Variants in LIPI observed in about 807,000 individuals in gnomAD.
The protein encoded by LIPI is lipase I.
A neutral mutation model predicts 50.6 loss-of-function variants in LIPI; 59 were observed. The observed-to-expected ratio is 1.16, with a 90% CI of 0.94 to 1.45. LIPI has a LOEUF of 1.45. Among genes scored for constraint, LIPI ranks in the 40% most tolerant of loss-of-function variants. The pLI is 0.00. For synonymous variants in LIPI, 203 were observed against 178.2 expected, an observed-to-expected ratio of 1.14 and a Z score of -1.11; for missense variants, 586 against 536.3, an observed-to-expected ratio of 1.09 and a Z score of -0.92.
rs578085312 is a variant in LIPI, at chr21:14,183,386, A to G, written c.542-1527T>C. Reference sequence around the variant, plus strand: ...CGATAAAAACCCTAGAAGAAAACTTAGGCAATACCATTCAGGACATAGGCA... The same window carrying G: ...CGATAAAAACCCTAGAAGAAAACTTGGGCAATACCATTCAGGACATAGGCA... On this transcript the variant is annotated intron_variant, in intron 3 of 9. Coordinates refer to ENST00000681601, the MANE Select transcript of LIPI (RefSeq NM_001302998.2). 2.0e-5 allele frequency among the ~76,000 whole-genome samples: 3 copies of G among 152,328 alleles called. No homozygotes were observed. In the East Asian group the frequency reaches 5.8e-4, roughly 29 times the overall value.
At position 14,157,821 on chromosome 21, in the gene LIPI, A is replaced by G. The variant is rs1292372946; in HGVS notation, c.1007-5137T>C. Reference sequence around the variant, plus strand: ...TTGCCTGGCTGAATTTAAAAATTGCATGGAGTGTTGACTCTATTTTTCTTC... The same window carrying G: ...TTGCCTGGCTGAATTTAAAAATTGCGTGGAGTGTTGACTCTATTTTTCTTC... On this transcript the variant is annotated intron_variant, in intron 7 of 9. Transcript: ENST00000681601. Among the ~76,000 whole-genome samples the G allele has an allele frequency of 2.0e-5, 3 of 151,822 alleles. No homozygotes were observed. In the East Asian group the frequency reaches 5.8e-4, roughly 29 times the overall value.
chr21:14,108,836 T>C lies in LIPI; in HGVS notation c.*157A>G, dbSNP rs1136522. The C allele has an allele frequency of 0.49, 398,814 of 820,996 alleles. 97,770 individuals carry two copies. Among genetic ancestry groups the C allele is most frequent in the South Asian group, 0.51 (30,072 of 58,616 alleles). The allele number at this position is 820,996 out of a possible 1,614,324, so 50.9% of individuals were successfully genotyped here. On this transcript the variant is annotated 3_prime_UTR_variant, in exon 10 of 10. Coordinates refer to ENST00000681601, the MANE Select transcript of LIPI (RefSeq NM_001302998.2). ...TATTTGGAATGTTTAACTGTATGCA[T>C]TTTTTATTTTCTTTATTTTTGATTC...
intron 1 of LIPI, among the ~76,000 whole-genome samples, chr21:14,190,975 C>A (rs1234430355): frequency 2.6e-5 from 4 of 152,104 alleles, no homozygotes; most frequent in Admixed American, 6.5e-5. Flanking sequence ...AGAAAGAAAT[C>A]ATCACCTAAT....
intron 1 of LIPI, among the ~76,000 whole-genome samples, chr21:14,191,376 CAAAA>C (rs71183411): frequency 2.3e-5 from 2 of 86,290 alleles, no homozygotes; most frequent in Non-Finnish European, 4.5e-5. Context: ...GACTCCGTCT[CAAAA>C]AAAAAAAAAA....
chr21:14,155,927 T>C (rs1360091324), intron 7 of LIPI, among the ~76,000 whole-genome samples: 1 of 152,024 alleles, frequency 6.6e-6, no homozygotes, highest in Non-Finnish European at 1.5e-5. Context: ...CAATAGGTTA[T>C]CTTTTTCTCA....
At chr21:14,149,837 C>T (rs1275655890) in intron 8 of LIPI, among the ~76,000 whole-genome samples, 2 of 152,236 alleles carry the variant, frequency 1.3e-5, no homozygotes, top group Admixed American at 1.3e-4. Flanking sequence ...CAGCTCCACC[C>T]CTGCGGCTTT....
chr21:14,189,680 G>A lies in LIPI; in HGVS notation c.47-261C>T, dbSNP rs116201104. On this transcript the variant is annotated intron_variant, in intron 1 of 9. Coordinates refer to ENST00000681601, the MANE Select transcript of LIPI (RefSeq NM_001302998.2). ...ATTTTTATCTGTACAAAATATAATA[G>A]TAATGGGTGTGAGCGAAAATAAGAT... 9.5e-3 allele frequency among the ~76,000 whole-genome samples: 1,441 copies of A among 152,186 alleles called. 26 individuals are homozygous for A. The highest frequency in any genetic ancestry group is 0.033 in the African/African-American group (1,384 of 41,554).
chr21:14,120,484 T>C (rs1370822995), intron 9 of LIPI, among the ~76,000 whole-genome samples: 1 of 152,164 alleles, frequency 6.6e-6, no homozygotes, highest in Non-Finnish European at 1.5e-5. Context: ...ATAGGGCAGG[T>C]CCTAGAGGCT....
At chr21:14,117,134 C>T (rs1179361377) in intron 9 of LIPI, among the ~76,000 whole-genome samples, 1 of 152,192 alleles carries the variant, frequency 6.6e-6, no homozygotes, top group African/African-American at 2.4e-5. Flanking sequence ...AGATGCCCCT[C>T]AGAGAAACTA....
intron 9 of LIPI, among the ~76,000 whole-genome samples, chr21:14,124,919 C>T (rs573829904): frequency 3.0e-4 from 46 of 152,104 alleles, no homozygotes; most frequent in Admixed American, 9.2e-4. Context: ...TGCTTGAACC[C>T]GGGAGGTGGA....
intron 1 of LIPI, among the ~76,000 whole-genome samples, chr21:14,202,462 A>G (rs985532780): frequency 2.6e-5 from 4 of 152,336 alleles, no homozygotes; most frequent in Non-Finnish European, 5.9e-5. Flanking sequence ...CCAAAACAGC[A>G]TGGTACTGGT....
chr21:14,165,244 C>T lies in LIPI; in HGVS notation c.880G>A (p.Glu294Lys). 6.2e-7 allele frequency: 1 copy of T among 1,611,516 alleles called. No homozygotes were observed. Among genetic ancestry groups the T allele is most frequent in the Non-Finnish European group, 8.5e-7 (1 of 1,178,016 alleles). The change falls in exon 6 of 10, where the codon GAA (glutamate) becomes AAA (lysine). Residue 294 changes from glutamate (E) to lysine (K), a missense_variant. Glu to Lys is a moderately conservative substitution (Grantham distance 56). Coordinates refer to ENST00000681601, the MANE Select transcript of LIPI (RefSeq NM_001302998.2). Reference sequence around the variant, plus strand: ...TTACCCAGCCGAGGACATGATTTTTCCTTAAAACAGTCACAGTCCACACAT... The same window carrying T: ...TTACCCAGCCGAGGACATGATTTTTTCTTAAAACAGTCACAGTCCACACAT... ...SLCVDCDCFK[E>K]KSCPRLGYQA...
chr21:14,148,668 G>T (rs2017988214), intron 8 of LIPI, among the ~76,000 whole-genome samples: 2 of 152,162 alleles, frequency 1.3e-5, no homozygotes, highest in Non-Finnish European at 2.9e-5. Flanking sequence ...TACGTGTGTA[G>T]CAGGCTATAC....
intron 4 of LIPI, among the ~76,000 whole-genome samples, chr21:14,174,348 C>A (rs2019018872): frequency 6.6e-6 from 1 of 151,964 alleles, no homozygotes. Flanking sequence ...ATATAAGACA[C>A]ATGCAGAAAA....
intron 8 of LIPI, among the ~76,000 whole-genome samples, chr21:14,149,523 A>G (rs546768536): frequency 1.5e-4 from 23 of 152,236 alleles, no homozygotes; most frequent in African/African-American, 5.5e-4. Context: ...ACTCATTCCA[A>G]TATTCACCCA....
intron 1 of LIPI, among the ~76,000 whole-genome samples, chr21:14,205,061 T>G (rs1008835843): frequency 6.6e-6 from 1 of 151,724 alleles, no homozygotes; most frequent in African/African-American, 2.4e-5. Flanking sequence ...ATACTATAGT[T>G]GAACACCAGG....
chr21:14,149,468 T>A (rs2018012965), intron 8 of LIPI, among the ~76,000 whole-genome samples: 1 of 152,162 alleles, frequency 6.6e-6, no homozygotes, highest in African/African-American at 2.4e-5. Flanking sequence ...TGTTCTCACA[T>A]TTCAAAACAC....
chr21:14,117,191 A>G (rs899056580), intron 9 of LIPI, among the ~76,000 whole-genome samples: 1 of 152,212 alleles, frequency 6.6e-6, no homozygotes, highest in Non-Finnish European at 1.5e-5. Context: ...AAGGAGGAGA[A>G]CAGCTTTATC....
chr21:14,184,213 A>G (rs2123257346), intron 3 of LIPI, among the ~76,000 whole-genome samples: 3 of 152,268 alleles, frequency 2.0e-5, no homozygotes, highest in African/African-American at 7.2e-5. Flanking sequence ...ATTCTCAGCA[A>G]ACTATCGCAA....
Sources: allele counts gnomAD v4.1 joint callset (sites outside exome capture counted in the v4.1 genomes callset), GRCh38; gene constraint gnomAD v4.1.1; transcripts MANE v1.5; gene names NCBI Gene and HGNC (gene_info 2026-07-23, HGNC 2026-07-21).